SUCLG2: variants seen among roughly 807,000 people sequenced by gnomAD.
SUCLG2 encodes the protein succinate--CoA ligase [GDP-forming] subunit beta, mitochondrial.
In SUCLG2, 42 loss-of-function variants were observed where a neutral mutation model predicts 47.9. The ratio of observed to expected loss-of-function variants is 0.88; its 90% CI spans 0.69 to 1.14. The LOEUF (loss-of-function observed/expected upper bound fraction) is 1.14. Ranked by LOEUF, SUCLG2 falls within the 50% of genes most tolerant of loss-of-function variation. The pLI, the probability that SUCLG2 is intolerant of heterozygous loss-of-function variation, is 0.00. For missense variants in SUCLG2, 571 were observed against 525.9 expected, an observed-to-expected ratio of 1.09 and a Z score of -0.84; for synonymous variants, 195 against 197.3, an observed-to-expected ratio of 0.99 and a Z score of 0.10.
At chr3:67,529,054 C>G (rs1443380257) in intron 3 of SUCLG2, 33 bp downstream of exon 3, 1 of 1,572,328 alleles carries the variant, frequency 6.4e-7, no homozygotes, top group Non-Finnish European at 8.7e-7. Flanking sequence ...ACTGCTTGGC[C>G]AAAAGACAAG....
chr3:67,398,681 A>C (rs1015976339), intron 10 of SUCLG2, among the ~76,000 whole-genome samples: 1 of 152,210 alleles, frequency 6.6e-6, no homozygotes, highest in African/African-American at 2.4e-5. Context: ...GTATATACCC[A>C]AAGGACTATA....
At chr3:67,542,727 G>T (rs1706751771) in intron 2 of SUCLG2, among the ~76,000 whole-genome samples, 1 of 152,146 alleles carries the variant, frequency 6.6e-6, no homozygotes, top group African/African-American at 2.4e-5. Context: ...AGACAAAGAA[G>T]GGCATTACAT....
chr3:67,645,918 G>A (rs1041108139), intron 1 of SUCLG2, among the ~76,000 whole-genome samples: 2 of 151,354 alleles, frequency 1.3e-5, no homozygotes, highest in African/African-American at 4.9e-5. Context: ...GGGACAAAAA[G>A]CAAAGGATAA....
chr3:67,539,776 GT>G (rs1242099213), intron 2 of SUCLG2, among the ~76,000 whole-genome samples: 1 of 152,084 alleles, frequency 6.6e-6, no homozygotes, highest in Non-Finnish European at 1.5e-5. Flanking sequence ...GTTCTTCCTG[GT>G]TTAGTCATGG....
intron 9 of SUCLG2, among the ~76,000 whole-genome samples, chr3:67,431,457 T>C (rs1015783775): frequency 2.0e-5 from 3 of 152,072 alleles, no homozygotes; most frequent in Admixed American, 6.5e-5. Context: ...ACTGTGACAC[T>C]ATTCACAATA....
intron 2 of SUCLG2, among the ~76,000 whole-genome samples, chr3:67,592,122 G>C (rs1708179649): frequency 6.6e-6 from 1 of 152,182 alleles, no homozygotes; most frequent in Non-Finnish European, 1.5e-5. Context: ...TAAGACACAG[G>C]AAAGTTAAGA....
chr3:67,612,826 T>A (rs537601260), intron 1 of SUCLG2, among the ~76,000 whole-genome samples: 1 of 152,318 alleles, frequency 6.6e-6, no homozygotes, highest in Admixed American at 6.5e-5. Context: ...TACCTGTGCT[T>A]CTGACCAACC....
intron 2 of SUCLG2, among the ~76,000 whole-genome samples, chr3:67,568,018 C>T (rs1402887323): frequency 6.6e-6 from 1 of 152,150 alleles, no homozygotes; most frequent in African/African-American, 2.4e-5. Context: ...AATTAAATTC[C>T]ACCAAAATGT....
At chr3:67,619,478 C>A (rs1380828119) in intron 1 of SUCLG2, among the ~76,000 whole-genome samples, 1 of 152,184 alleles carries the variant, frequency 6.6e-6, no homozygotes, top group South Asian at 2.1e-4. Flanking sequence ...GGGCCCTGAG[C>A]CTTGAAGTCA....
At chr3:67,646,376 C>G (rs1032350984) in intron 1 of SUCLG2, among the ~76,000 whole-genome samples, 1 of 152,142 alleles carries the variant, frequency 6.6e-6, no homozygotes, top group Non-Finnish European at 1.5e-5. Context: ...GGGTGGACCA[C>G]CTGAGGTCAG....
At chr3:67,647,972 A>C (rs1701220128) in intron 1 of SUCLG2, among the ~76,000 whole-genome samples, 1 of 152,240 alleles carries the variant, frequency 6.6e-6, no homozygotes, top group South Asian at 2.1e-4. Context: ...GGGAAAGCAA[A>C]ATTATTCTAG....
At chr3:67,441,499 T>C (rs561718629) in intron 9 of SUCLG2, among the ~76,000 whole-genome samples, 36 of 152,198 alleles carry the variant, frequency 2.4e-4, no homozygotes, top group African/African-American at 8.4e-4. Flanking sequence ...GAAAACATAC[T>C]CCAAATACTT....
At chr3:67,380,894 C>G (rs1702144494) in intron 10 of SUCLG2, among the ~76,000 whole-genome samples, 1 of 152,198 alleles carries the variant, frequency 6.6e-6, no homozygotes, top group Non-Finnish European at 1.5e-5. Context: ...AGCATTCAAC[C>G]TGGTTTCTCC....
At chr3:67,641,267 T>C (rs1701095691) in intron 1 of SUCLG2, among the ~76,000 whole-genome samples, 1 of 152,102 alleles carries the variant, frequency 6.6e-6, no homozygotes, top group African/African-American at 2.4e-5. Context: ...GCAAATAAGG[T>C]GTAGGAAACA....
chr3:67,408,460 G>A (rs943002257), intron 9 of SUCLG2: 2 of 261,606 alleles, frequency 7.6e-6, no homozygotes, highest in African/African-American at 4.6e-5. Flanking sequence ...CATCAATTGA[G>A]ATGAACCAAC....
chr3:67,384,648 T>C (rs1702224177), intron 10 of SUCLG2, among the ~76,000 whole-genome samples: 1 of 152,204 alleles, frequency 6.6e-6, no homozygotes, highest in African/African-American at 2.4e-5. Flanking sequence ...AGTCCCTACT[T>C]CTGACTTGAT....
chr3:67,506,920 G>C (rs1705652684), intron 7 of SUCLG2, among the ~76,000 whole-genome samples: 1 of 152,194 alleles, frequency 6.6e-6, no homozygotes, highest in Non-Finnish European at 1.5e-5. Flanking sequence ...CTGCAGTTGA[G>C]TCTGGAGTAT....
intron 2 of SUCLG2, among the ~76,000 whole-genome samples, chr3:67,607,373 A>T (rs1262991686): frequency 1.3e-5 from 2 of 152,224 alleles, no homozygotes; most frequent in Non-Finnish European, 2.9e-5. Flanking sequence ...TGTTGAAATG[A>T]TGTTGTTTTA....
At chr3:67,474,336 G>C (rs1408925151) in intron 9 of SUCLG2, among the ~76,000 whole-genome samples, 1 of 152,010 alleles carries the variant, frequency 6.6e-6, no homozygotes. Context: ...TCTATATATT[G>C]AAGAGATGAA....
Sources: allele counts gnomAD v4.1 joint callset (sites outside exome capture counted in the v4.1 genomes callset), GRCh38; gene constraint gnomAD v4.1.1; transcripts MANE v1.5; gene names NCBI Gene and HGNC (gene_info 2026-07-23, HGNC 2026-07-21).